SUPT3H: variants seen among roughly 807,000 people sequenced by gnomAD.
SUPT3H encodes the protein SPT3 homolog, SAGA and STAGA complex component.
In SUPT3H, 44 loss-of-function variants were observed where a neutral mutation model predicts 44.3. The ratio of observed to expected loss-of-function variants is 0.99; its 90% confidence interval spans 0.78 to 1.28. The LOEUF (loss-of-function observed/expected upper bound fraction) is 1.28, where lower values mean the gene tolerates loss of function less well. SUPT3H is among the 50% of genes most tolerant of loss of function. SUPT3H has a pLI of 0.00. For synonymous variants in SUPT3H, 124 were observed against 125.6 expected (o/e 0.99, Z 0.09); for missense variants, 380 against 387.1 (o/e 0.98, Z 0.15).
At chr6:45,313,811 A>G (rs1282938965) in intron 2 of SUPT3H, among the ~76,000 whole-genome samples, 1 of 152,144 alleles carries the variant, frequency 6.6e-6, no homozygotes, top group African/African-American at 2.4e-5. Flanking sequence ...CGTCACCCTA[A>G]TAACAAAACC....
intron 2 of SUPT3H, among the ~76,000 whole-genome samples, chr6:45,171,347 ACATT>A (rs1235085294): frequency 2.6e-5 from 4 of 152,240 alleles, no homozygotes; most frequent in Non-Finnish European, 5.9e-5. Context: ...ATAAATTTGT[ACATT>A]CAGTTTTGTT....
intron 10 of SUPT3H, among the ~76,000 whole-genome samples, chr6:44,858,081 C>T (rs1341665013): frequency 1.3e-5 from 2 of 152,138 alleles, no homozygotes; most frequent in Admixed American, 6.5e-5. Context: ...AATCAGGCCT[C>T]GCCCAAGTGC....
chr6:44,951,485 T>A (rs1774301837), intron 9 of SUPT3H, among the ~76,000 whole-genome samples: 4 of 152,072 alleles, frequency 2.6e-5, no homozygotes, highest in Admixed American at 2.6e-4. Flanking sequence ...GAAGGAAGAC[T>A]TCCAGTCTCT....
chr6:45,264,613 T>C (rs957190270), intron 2 of SUPT3H, among the ~76,000 whole-genome samples: 3 of 152,188 alleles, frequency 2.0e-5, no homozygotes, highest in Admixed American at 1.3e-4. Flanking sequence ...CAACAGTTCA[T>C]CAGCTATACC....
intron 2 of SUPT3H, among the ~76,000 whole-genome samples, chr6:45,355,984 A>G (rs1379463555): frequency 6.6e-6 from 1 of 152,210 alleles, no homozygotes; most frequent in Non-Finnish European, 1.5e-5. Context: ...TGAAAGGCTA[A>G]TAGAACTCTA....
intron 6 of SUPT3H, among the ~76,000 whole-genome samples, chr6:44,966,207 T>C (rs1776747734): frequency 6.6e-6 from 1 of 152,164 alleles, no homozygotes; most frequent in South Asian, 2.1e-4. Flanking sequence ...ACACTGGCAG[T>C]CCTTTTCTAT....
chr6:44,878,229 T>C (rs1371578965), intron 10 of SUPT3H, among the ~76,000 whole-genome samples: 1 of 152,200 alleles, frequency 6.6e-6, no homozygotes, highest in Non-Finnish European at 1.5e-5. Flanking sequence ...TTATTTGAAA[T>C]TGTTTTCTAA....
chr6:44,981,794 AT>A (rs1192627688), intron 6 of SUPT3H, among the ~76,000 whole-genome samples: 3 of 149,758 alleles, frequency 2.0e-5, no homozygotes, highest in African/African-American at 4.9e-5. Context: ...CCTTAGAAAC[AT>A]TTTGGCTGGG....
intron 9 of SUPT3H, among the ~76,000 whole-genome samples, chr6:44,949,163 T>G (rs1166470837): frequency 1.3e-5 from 2 of 152,112 alleles, no homozygotes; most frequent in Non-Finnish European, 2.9e-5. Context: ...CACCGCATGT[T>G]CTCACTCATA....
chr6:45,344,442 T>G (rs1195322013), intron 2 of SUPT3H, among the ~76,000 whole-genome samples: 1 of 152,136 alleles, frequency 6.6e-6, no homozygotes, highest in African/African-American at 2.4e-5. Context: ...GATGGTTTTT[T>G]TTTTCATTCA....
At chr6:44,953,267 C>CA (rs1296018844) in intron 9 of SUPT3H, 43 bp downstream of exon 9, 1 of 1,498,656 alleles carries the variant, frequency 6.7e-7, no homozygotes, top group Non-Finnish European at 9.3e-7. Context: ...AGATATGTGT[C>CA]AAAATTCACA....
rs148562061 is a variant in SUPT3H, at chr6:44,895,578, C to G, written c.912+37075G>C. On this transcript the variant is annotated intron_variant, in intron 10 of 10. Coordinates refer to ENST00000371459, the MANE Select transcript of SUPT3H (RefSeq NM_003599.4). ...TATTTGAAAACAAAACAAGCAATAA[C>G]AAAACCAGTGAAATTACTTTCTAGT... Among the ~76,000 whole-genome samples the G allele has an allele frequency of 2.2e-3, 331 of 152,210 alleles. 1 individual carries two copies. The highest frequency in any genetic ancestry group is 7.6e-3 in the African/African-American group (317 of 41,530).
intron 4 of SUPT3H, among the ~76,000 whole-genome samples, chr6:45,019,696 T>G (rs186011932): frequency 2.6e-5 from 4 of 152,116 alleles, no homozygotes; most frequent in Admixed American, 2.0e-4. Context: ...TCTGGCGCCT[T>G]GTACCTAAGA....
At chr6:45,355,948 G>A (rs958850235) in intron 2 of SUPT3H, among the ~76,000 whole-genome samples, 3 of 151,990 alleles carry the variant, frequency 2.0e-5, no homozygotes, top group African/African-American at 7.3e-5. Context: ...ACTAACCAGT[G>A]TAATACAGGA....
intron 2 of SUPT3H, among the ~76,000 whole-genome samples, chr6:45,270,728 T>C (rs956794991): frequency 1.2e-4 from 19 of 152,024 alleles, no homozygotes; most frequent in African/African-American, 4.6e-4. Context: ...TACCTGAAAA[T>C]GTGAAAGCAA....
chr6:45,246,064 A>G (rs976488166), intron 2 of SUPT3H, among the ~76,000 whole-genome samples: 1 of 151,924 alleles, frequency 6.6e-6, no homozygotes, highest in African/African-American at 2.4e-5. Context: ...GGCCACCTGT[A>G]TATTTTCTTT....
At chr6:45,093,461 A>T (rs1438458731) in intron 3 of SUPT3H, among the ~76,000 whole-genome samples, 2 of 152,208 alleles carry the variant, frequency 1.3e-5, no homozygotes, top group Non-Finnish European at 2.9e-5. Context: ...CAATGGGGAA[A>T]GAAGATGCAG....
At chr6:44,967,726 A>G (rs1396445457) in intron 6 of SUPT3H, among the ~76,000 whole-genome samples, 1 of 152,178 alleles carries the variant, frequency 6.6e-6, no homozygotes, top group Non-Finnish European at 1.5e-5. Context: ...TCAGCAACAC[A>G]AAAACACAGA....
chr6:45,273,465 C>T (rs1345112594), intron 2 of SUPT3H, among the ~76,000 whole-genome samples: 1 of 152,114 alleles, frequency 6.6e-6, no homozygotes, highest in African/African-American at 2.4e-5. Context: ...ATTCATGTTG[C>T]TCTTTTCAAA....
Sources: allele counts gnomAD v4.1 joint callset (sites outside exome capture counted in the v4.1 genomes callset), GRCh38; gene constraint gnomAD v4.1.1; transcripts MANE v1.5; gene names NCBI Gene and HGNC (gene_info 2026-07-23, HGNC 2026-07-21).